KCNS3: variants seen among roughly 807,000 people sequenced by gnomAD.
KCNS3 encodes the protein potassium voltage-gated channel modifier subfamily S member 3.
Under a neutral mutation model 31.0 loss-of-function variants are expected in KCNS3, and 13 were observed. The ratio of observed to expected loss-of-function variants is 0.42; its 90% CI spans 0.27 to 0.67. KCNS3 has a LOEUF of 0.67. Among genes scored for constraint, KCNS3 ranks in the 30% least tolerant of loss-of-function variants. The probability of loss-of-function intolerance (pLI) is 0.25; values close to 1 mark genes in which losing one functional copy is unlikely to be tolerated. For missense variants in KCNS3, 545 were observed against 622.4 expected (o/e 0.88, Z 1.32); for synonymous variants, 238 against 241.5 (o/e 0.99, Z 0.13).
At chr2:17,892,006 T>A (rs1661867869) in intron 1 of KCNS3, among the ~76,000 whole-genome samples, 1 of 152,114 alleles carries the variant, frequency 6.6e-6, no homozygotes, top group Admixed American at 6.5e-5. Flanking sequence ...CCTTTATTGT[T>A]CCCCCAAATA....
Position 17,931,473 on chromosome 2 carries a change from G to A in KCNS3, c.465G>A (p.Glu155=), listed in dbSNP as rs1485987385. 1 of 1,614,158 alleles carries A rather than the reference G, an allele frequency of 6.2e-7. No individual in the cohort carries two copies. The highest frequency in any genetic ancestry group is 8.5e-7 in the Non-Finnish European group (1 of 1,180,014). The change falls in exon 3 of 3, where the codon GAG becomes GAA. Residue 155 remains glutamate, a synonymous_variant. Coordinates refer to ENST00000304101, the MANE Select transcript of KCNS3 (RefSeq NM_002252.5). The surrounding 1 kb of genome is among the most constrained non-coding windows in gnomAD (Gnocchi z 5.4). ...AAGAGTCGTCTCTGTTTGAGAAAGA[G>A]CTGGAGAAGTTTGACACACTGCGAT... is the stretch of plus-strand genomic sequence containing the variant. ...SFEESSLFEK[E]LEKFDTLRFG...
chr2:17,922,784 G>A (rs1259511965), intron 2 of KCNS3, among the ~76,000 whole-genome samples: 5 of 151,316 alleles, frequency 3.3e-5, no homozygotes, highest in Non-Finnish European at 7.4e-5. Context: ...TTTTTAAGTA[G>A]ACCTTTTTCA....
intron 1 of KCNS3, among the ~76,000 whole-genome samples, chr2:17,881,626 C>G (rs547030472): frequency 6.6e-6 from 1 of 152,338 alleles, no homozygotes; most frequent in African/African-American, 2.4e-5. Context: ...AACTGAGTAA[C>G]TTGTACAAGG....
chr2:17,932,037 C>T lies in KCNS3; in HGVS notation c.1029C>T (p.Tyr343=). The T allele has an allele frequency of 1.2e-6, 2 of 1,614,160 alleles. No individual in the cohort carries two copies. Among genetic ancestry groups the T allele is most frequent in the South Asian group, 2.2e-5 (2 of 91,076 alleles). The part of the protein sequence containing the change: ...VGISIFSVLI[Y]SVEKDDHTSS... The stretch of plus-strand genomic sequence containing the variant: ...TTTCCATTTTCTCTGTGCTTATCTA[C>T]TCCGTGGAGAAAGATGACCACACAT... The change falls in exon 3 of 3, where the codon TAC becomes TAT. Residue 343 remains tyrosine, a synonymous_variant. Coordinates refer to ENST00000304101, the MANE Select transcript of KCNS3 (RefSeq NM_002252.5).
chr2:17,930,911 G>A (rs952108671), intron 2 of KCNS3, 39 bp from the exon 3 acceptor site: 22 of 1,407,998 alleles, frequency 1.6e-5, no homozygotes, highest in Non-Finnish European at 2.0e-5. Context: ...GCTGGGCACG[G>A]CAGGACAGAG....
intron 1 of KCNS3, among the ~76,000 whole-genome samples, chr2:17,886,954 C>G (rs1372953950): frequency 6.9e-6 from 1 of 144,266 alleles, no homozygotes; most frequent in Non-Finnish European, 1.5e-5. Context: ...TAAGCAGGTT[C>G]CCCAGACTTG....
At chr2:17,930,133 G>T (rs544999132) in intron 2 of KCNS3, among the ~76,000 whole-genome samples, 1 of 152,314 alleles carries the variant, frequency 6.6e-6, no homozygotes, top group African/African-American at 2.4e-5. Flanking sequence ...TCTATGGAAA[G>T]ATAATTATAG....
chr2:17,921,379 T>A (rs1263830724), intron 2 of KCNS3, among the ~76,000 whole-genome samples: 1 of 152,198 alleles, frequency 6.6e-6, no homozygotes, highest in Non-Finnish European at 1.5e-5. Context: ...TATCAATAAA[T>A]ATTTTAGTAT....
Position 17,932,375 on chromosome 2 carries a change from C to T in KCNS3, c.1367C>T (p.Ser456Phe). The T allele has an allele frequency of 6.2e-7, 1 of 1,614,124 alleles. No individual in the cohort carries two copies. Among genetic ancestry groups the T allele is most frequent in the Non-Finnish European group, 8.5e-7 (1 of 1,179,996 alleles). ...QRMHTFITSLSSVGIVVSDPD... is the reference protein window; with the variant it reads ...QRMHTFITSLFSVGIVVSDPD... ...ATGCACACCTTCATTACCAGTCTCT[C>T]TTCTGTAGGCATTGTGGTGAGCGAT... is the stretch of plus-strand genomic sequence containing the variant. The change falls in exon 3 of 3, where the codon TCT becomes TTT. Residue 456 changes from serine to phenylalanine, a missense_variant. Physicochemically the swap from Ser to Phe is radical, Grantham distance 155 (BLOSUM62 -2). Coordinates refer to ENST00000304101, the MANE Select transcript of KCNS3 (RefSeq NM_002252.5).
At chr2:17,896,436 G>A (rs1662029750) in intron 1 of KCNS3, among the ~76,000 whole-genome samples, 1 of 152,056 alleles carries the variant, frequency 6.6e-6, no homozygotes, top group South Asian at 2.1e-4. Flanking sequence ...TGATGTCACT[G>A]GCTTATGTAC....
chr2:17,886,563 C>T (rs553461089), intron 1 of KCNS3, among the ~76,000 whole-genome samples: 3 of 152,084 alleles, frequency 2.0e-5, no homozygotes, highest in Admixed American at 6.6e-5. Context: ...GAGATTCAGC[C>T]CTGAGGCTCA....
intron 1 of KCNS3, among the ~76,000 whole-genome samples, chr2:17,889,660 CT>C (rs1661792209): frequency 6.6e-6 from 1 of 152,006 alleles, no homozygotes; most frequent in African/African-American, 2.4e-5. Context: ...TTGTCTAATG[CT>C]TTTTTTGCAT....
chr2:17,917,018 TA>T (rs1662606267), intron 1 of KCNS3, among the ~76,000 whole-genome samples: 2 of 152,222 alleles, frequency 1.3e-5, no homozygotes, highest in Non-Finnish European at 2.9e-5. Flanking sequence ...TTTTGCCTTT[TA>T]AAATTTATTC....
intron 1 of KCNS3, among the ~76,000 whole-genome samples, chr2:17,896,404 G>C (rs951604332): frequency 6.6e-6 from 1 of 152,016 alleles, no homozygotes; most frequent in Non-Finnish European, 1.5e-5. Context: ...AGGGGCAAAG[G>C]GCATTACAAG....
Position 17,932,484 on chromosome 2 carries a change from A to C in KCNS3, c.1476A>C (p.Ter492CysextTer15). ...CCTTGGAGAATTGCACAGCAAAATG[A>C]GCGGGGGTGTTTGTGCCTGTTTCTC... is the stretch of plus-strand genomic sequence containing the variant. ...TTSLENCTAK[*>C] Residue 492 changes from the stop codon to cysteine (C), a stop_lost, in exon 3 of 3, where the codon TGA becomes TGC. Transcript: ENST00000304101. 1.2e-6 allele frequency: 2 copies of C among 1,604,114 alleles called. No homozygotes were observed. The highest frequency in any genetic ancestry group is 1.3e-5 in the African/African-American group (1 of 74,854).
intron 1 of KCNS3, among the ~76,000 whole-genome samples, chr2:17,884,590 G>A (rs867139199): frequency 6.1e-4 from 93 of 152,142 alleles, no homozygotes; most frequent in African/African-American, 2.2e-3. Context: ...GAATGGAGGT[G>A]AGGAAGTGCA....
chr2:17,907,855 G>T (rs1272910406), intron 1 of KCNS3, among the ~76,000 whole-genome samples: 2 of 152,322 alleles, frequency 1.3e-5, no homozygotes, highest in Middle Eastern at 6.8e-3. Flanking sequence ...GTTTCCCTTT[G>T]TGGGCAACCC....
chr2:17,884,286 T>A (rs1479220520), intron 1 of KCNS3, among the ~76,000 whole-genome samples: 25 of 137,142 alleles, frequency 1.8e-4, no homozygotes, highest in African/African-American at 6.7e-4. Flanking sequence ...TATATATATA[T>A]ATATATATAT....
In KCNS3 at chr2:17,932,558, G is replaced by A. The variant is rs1663028400; in HGVS notation, c.*74G>A. The A allele has an allele frequency of 2.0e-6, 3 of 1,468,046 alleles. No homozygotes were observed. The highest frequency in any genetic ancestry group is 2.7e-6 in the Non-Finnish European group (3 of 1,092,616). The allele number at this position is 1,468,046 out of a possible 1,614,324, so 90.9% of individuals were successfully genotyped here. Reference sequence around the variant, plus strand: ...AACACAGCTTTATAAACCTCAGTGGGTTCGTTAAAATCATTTAATTCTCAG... The same window carrying A: ...AACACAGCTTTATAAACCTCAGTGGATTCGTTAAAATCATTTAATTCTCAG... On this transcript the variant is annotated 3_prime_UTR_variant, in exon 3 of 3. Transcript: ENST00000304101.
Sources: gnomAD v4.1 joint callset for allele counts (sites outside exome capture counted in the v4.1 genomes callset) on GRCh38, gnomAD v4.1.1 for gene constraint, Gnocchi (gnomAD v3.1) non-coding constraint, MANE v1.5 for transcripts, NCBI Gene and HGNC (gene_info 2026-07-23, HGNC 2026-07-21) for gene names.